PWWP3B: variants seen among roughly 807,000 people sequenced by gnomAD.
The protein encoded by PWWP3B is PWWP domain-containing DNA repair factor 3B.
A neutral mutation model predicts 15.7 loss-of-function variants in PWWP3B; 5 were observed. The ratio of observed to expected loss-of-function variants is 0.32; its 90% confidence interval spans 0.17 to 0.67. The LOEUF (loss-of-function observed/expected upper bound fraction) is 0.67, where lower values mean the gene tolerates loss of function less well. Ranked by LOEUF, PWWP3B falls within the 30% of genes least tolerant of loss-of-function variation. PWWP3B has a pLI of 0.74. For missense variants in PWWP3B, 519 were observed against 493.1 expected (o/e 1.05, Z -0.50); for synonymous variants, 203 against 179.8 (o/e 1.13, Z -1.03).
chrX:106,198,917 T>C (rs1176057771), intron 2 of PWWP3B, among the ~76,000 whole-genome samples: 2 of 111,384 alleles, frequency 1.8e-5, no homozygotes, highest in Non-Finnish European at 3.8e-5. Flanking sequence ...AAATATATAA[T>C]AAAATAAATC....
chrX:106,169,718 T>C (rs1218126033), intron 1 of PWWP3B, among the ~76,000 whole-genome samples: 1 of 112,397 alleles, frequency 8.9e-6, no homozygotes, highest in Non-Finnish European at 1.9e-5. Context: ...TCATATAGGA[T>C]AGTATATCTA....
intron 2 of PWWP3B, among the ~76,000 whole-genome samples, chrX:106,191,317 G>T (rs1173053862): frequency 1.8e-5 from 2 of 110,523 alleles, no homozygotes; most frequent in Non-Finnish European, 1.9e-5. Context: ...ATTGTGAATG[G>T]GAGTTCACTC....
chrX:106,178,454 T>C (rs1341072906), intron 2 of PWWP3B, among the ~76,000 whole-genome samples: 1 of 112,430 alleles, frequency 8.9e-6, no homozygotes, highest in African/African-American at 3.2e-5. Flanking sequence ...ACTACATTAA[T>C]ACATGTGTAA....
intron 2 of PWWP3B, among the ~76,000 whole-genome samples, chrX:106,184,410 A>C (rs1044568839): frequency 1.8e-5 from 2 of 111,169 alleles, no homozygotes; most frequent in African/African-American, 3.3e-5. Context: ...TGAGTAATTC[A>C]TGGGCTTTTT....
chrX:106,170,882 A>G (rs1921580086), intron 1 of PWWP3B, 130 bp from the exon 2 acceptor site: 1 of 112,215 alleles, frequency 8.9e-6, no homozygotes, highest in South Asian at 3.7e-4. Flanking sequence ...ACATGAAGGA[A>G]AATAGATGGC....
At position 106,202,776 on chromosome X, in the gene PWWP3B, A is replaced by G. The variant is rs372368323; in HGVS notation, c.-400-1209A>G. On this transcript the variant is annotated intron_variant, in intron 2 of 3. Transcript: ENST00000357175. ...TTGGCAAATGCCTGAGAAACAGTAT[A>G]AGGTGAAAAAAATTATATAATAGAA... 4.5e-4 allele frequency among the ~76,000 whole-genome samples: 51 copies of G among 112,341 alleles called. 2 individuals carry two copies. In the East Asian group the frequency reaches 4.7e-3, roughly 10 times the overall value.
intron 2 of PWWP3B, among the ~76,000 whole-genome samples, chrX:106,200,617 C>A (rs1053047406): frequency 1.2e-4 from 13 of 111,389 alleles, no homozygotes; most frequent in African/African-American, 4.2e-4. Context: ...AATCAGAAAT[C>A]TATACTTAAA....
chrX:106,207,139 T>A lies in PWWP3B; in HGVS notation c.1707T>A (p.His569Gln), dbSNP rs780969005. The change falls in exon 4 of 4, where the codon CAT (histidine) becomes CAA (glutamine). Residue 569 changes from histidine (H) to glutamine (Q), a missense_variant. Coordinates refer to ENST00000357175, the MANE Select transcript of PWWP3B (RefSeq NM_001171020.2). ...FIVNAKGTENHLLAIVNGTKG... is the reference protein window; with the variant it reads ...FIVNAKGTENQLLAIVNGTKG... ...TGAATGCAAAGGGAACAGAGAACCA[T>A]CTTCTGGCCATTGTAAATGGCACAA... 8.3e-7 allele frequency: 1 copy of A among 1,206,247 alleles called. No individual in the cohort carries two copies. The highest frequency in any genetic ancestry group is 1.1e-6 in the Non-Finnish European group (1 of 892,441).
intron 2 of PWWP3B, among the ~76,000 whole-genome samples, chrX:106,186,498 G>A (rs1481886468): frequency 9.0e-6 from 1 of 111,266 alleles, no homozygotes; most frequent in African/African-American, 3.3e-5. Flanking sequence ...GAACAGAATA[G>A]CAAGAGAAAG....
chrX:106,205,304 C>A lies in PWWP3B; in HGVS notation c.-129C>A. The A allele has an allele frequency of 1.6e-6, 1 of 642,240 alleles. No individual in the cohort carries two copies. Among genetic ancestry groups the A allele is most frequent in the Non-Finnish European group, 2.3e-6 (1 of 438,641 alleles). The allele number at this position is 642,240 out of a possible 1,213,427, so 52.9% of individuals were successfully genotyped here. A position where few individuals can be genotyped will look rare whatever the true frequency, so the allele number is the denominator to read the frequency against. On this transcript the variant is annotated 5_prime_UTR_variant, in exon 4 of 4. Coordinates refer to ENST00000357175, the MANE Select transcript of PWWP3B (RefSeq NM_001171020.2). ...GAGAACAGGCCACACAAGCTGTAAA[C>A]CCTTTGTAGTCATAAGACGAAAGAG... is the stretch of plus-strand genomic sequence containing the variant.
chrX:106,178,359 G>C (rs1157577396), intron 2 of PWWP3B, among the ~76,000 whole-genome samples: 2 of 112,424 alleles, frequency 1.8e-5, no homozygotes, highest in South Asian at 7.4e-4. Context: ...GTATGAACTT[G>C]TAGTGACTTG....
intron 2 of PWWP3B, among the ~76,000 whole-genome samples, chrX:106,202,882 A>G (rs1923783342): frequency 8.9e-6 from 1 of 112,205 alleles, no homozygotes; most frequent in Non-Finnish European, 1.9e-5. Flanking sequence ...CAGGAAAAAC[A>G]TATCTATGAA....
At position 106,180,000 on chromosome X, in the gene PWWP3B, C is replaced by T. The variant is rs1370605169; in HGVS notation, c.-401+8861C>T. ...AAAACAATCCTTTCCAATGGGTGGC[C>T]GTGGCAGCCATTATGAATCTCCGAC... On this transcript the variant is annotated intron_variant, in intron 2 of 3. Coordinates refer to ENST00000357175, the MANE Select transcript of PWWP3B (RefSeq NM_001171020.2). 9.9e-5 allele frequency among the ~76,000 whole-genome samples: 11 copies of T among 111,192 alleles called. No individual in the cohort carries two copies. In the Admixed American group the frequency reaches 1.1e-3, roughly 11 times the overall value.
At chrX:106,175,518 G>T (rs188408044) in intron 2 of PWWP3B, among the ~76,000 whole-genome samples, 42 of 110,715 alleles carry the variant, frequency 3.8e-4, no homozygotes, top group Admixed American at 3.2e-3. Context: ...GGTATTACCG[G>T]TGTGAGCCAC....
At chrX:106,176,157 G>A (rs1754953495) in intron 2 of PWWP3B, among the ~76,000 whole-genome samples, 1 of 110,993 alleles carries the variant, frequency 9.0e-6, no homozygotes, top group African/African-American at 3.3e-5. Flanking sequence ...GCAGTGGCGC[G>A]ATCTCAGCTC....
chrX:106,192,144 G>A (rs1045417712), intron 2 of PWWP3B, among the ~76,000 whole-genome samples: 25 of 111,642 alleles, frequency 2.2e-4, no homozygotes, highest in African/African-American at 8.2e-4. Flanking sequence ...ACCTCTGTTA[G>A]AATTTGGCTG....
chrX:106,176,621 G>A (rs1190461116), intron 2 of PWWP3B, among the ~76,000 whole-genome samples: 4 of 112,020 alleles, frequency 3.6e-5, no homozygotes, highest in Non-Finnish European at 7.5e-5. Flanking sequence ...ATATTTTTGC[G>A]TTGAAAACAG....
At chrX:106,181,761 G>A (rs1475873410) in intron 2 of PWWP3B, among the ~76,000 whole-genome samples, 1 of 111,679 alleles carries the variant, frequency 9.0e-6, no homozygotes, top group African/African-American at 3.3e-5. Flanking sequence ...AGGGCCGGCA[G>A]GTCGGTCCAT....
At chrX:106,198,097 A>G (rs1399316170) in intron 2 of PWWP3B, among the ~76,000 whole-genome samples, 1 of 111,914 alleles carries the variant, frequency 8.9e-6, no homozygotes, top group African/African-American at 3.2e-5. Context: ...GAATTGCTAT[A>G]CATTAAAATC....
Sources: gnomAD v4.1 joint callset for allele counts (sites outside exome capture counted in the v4.1 genomes callset) on GRCh38, gnomAD v4.1.1 for gene constraint, MANE v1.5 for transcripts, NCBI Gene and HGNC (gene_info 2026-07-23, HGNC 2026-07-21) for gene names.